Variants in THADA observed in about 807,000 individuals in gnomAD.
THADA encodes the protein tRNA (32-2'-O)-methyltransferase regulator THADA.
THADA carries 213 observed loss-of-function variants against 219.8 expected under a neutral mutation model. That is an observed-to-expected ratio of 0.97 (90% CI 0.87 to 1.09). THADA has a LOEUF of 1.09. Among genes scored for constraint, THADA ranks in the 50% least tolerant of loss-of-function variants. The probability of loss-of-function intolerance (pLI) is 0.00; values close to 1 mark genes in which losing one functional copy is unlikely to be tolerated. For missense variants in THADA, 2,956 were observed against 2,311.3 expected, an observed-to-expected ratio of 1.28 and a Z score of -5.72; for synonymous variants, 1,018 against 828.9, an observed-to-expected ratio of 1.23 and a Z score of -3.92.
At chr2:43,447,119 CAGG>C (rs1681673949) in intron 26 of THADA, among the ~76,000 whole-genome samples, 1 of 152,092 alleles carries the variant, frequency 6.6e-6, no homozygotes, top group Admixed American at 6.5e-5. Context: ...CACCTCTTCA[CAGG>C]GCAGCAGGAG....
chr2:43,480,731 T>C (rs892824058), intron 26 of THADA, among the ~76,000 whole-genome samples: 3 of 151,510 alleles, frequency 2.0e-5, no homozygotes, highest in Non-Finnish European at 4.4e-5. Context: ...GGCAGGAGAA[T>C]TGCGTGAACC....
intron 26 of THADA, among the ~76,000 whole-genome samples, chr2:43,466,954 G>A (rs931969609): frequency 5.9e-5 from 9 of 151,286 alleles, no homozygotes; most frequent in African/African-American, 1.9e-4. Flanking sequence ...AGGCCGAGGC[G>A]GGCGGATCAC....
At chr2:43,439,274 GGA>G (rs142145643) in intron 26 of THADA, among the ~76,000 whole-genome samples, 6 of 151,848 alleles carry the variant, frequency 4.0e-5, no homozygotes, top group African/African-American at 1.4e-4. Context: ...TGAGAGAGAC[GGA>G]GAGAGAGAGA....
intron 28 of THADA, among the ~76,000 whole-genome samples, chr2:43,424,215 T>C (rs1678114376): frequency 6.6e-6 from 1 of 152,178 alleles, no homozygotes; most frequent in East Asian, 1.9e-4. Context: ...ATAAATACCT[T>C]ACAGAGAGGA....
intron 22 of THADA, among the ~76,000 whole-genome samples, chr2:43,509,003 T>C (rs1690046954): frequency 6.6e-6 from 1 of 152,196 alleles, no homozygotes; most frequent in African/African-American, 2.4e-5. Context: ...GCATGTGTCT[T>C]GTCTGCAAAA....
chr2:43,358,016 T>C (rs1445349530), intron 29 of THADA, among the ~76,000 whole-genome samples: 3 of 152,208 alleles, frequency 2.0e-5, no homozygotes, highest in South Asian at 2.1e-4. Flanking sequence ...TATAGTTCTA[T>C]GTCAGAACCA....
chr2:43,268,299 T>G (rs1039078422), intron 36 of THADA, among the ~76,000 whole-genome samples: 5 of 152,144 alleles, frequency 3.3e-5, no homozygotes, highest in Admixed American at 3.3e-4. Context: ...CATACAGACA[T>G]TCACATCCAA....
intron 26 of THADA, among the ~76,000 whole-genome samples, chr2:43,434,935 A>G (rs1013273084): frequency 6.6e-6 from 1 of 152,084 alleles, no homozygotes; most frequent in East Asian, 1.9e-4. Context: ...AGCCGTAAAC[A>G]TTCACCCCTC....
Position 43,578,563 on chromosome 2 carries a change from T to G in THADA, c.766A>C (p.Ile256Leu). The G allele has an allele frequency of 2.5e-6, 4 of 1,613,032 alleles. No homozygotes were observed. The highest frequency in any genetic ancestry group is 3.4e-6 in the Non-Finnish European group (4 of 1,179,188). The change falls in exon 9 of 38, where the codon ATT becomes CTT. Residue 256 changes from isoleucine (I) to leucine (L), a missense_variant. Physicochemically the swap from Ile to Leu is conservative, Grantham distance 5. Transcript: ENST00000405975. ...TGAAACATAGTCTTAATAAAAAGAA[T>G]AATAGCTAATCCAGATGTGCTCTGT... ...TVQSTSGLAI[I>L]LFIKTMFHPS...
chr2:43,453,610 C>T (rs1262363619), intron 26 of THADA, among the ~76,000 whole-genome samples: 2 of 152,138 alleles, frequency 1.3e-5, no homozygotes, highest in East Asian at 3.9e-4. Flanking sequence ...AGATGAGAGT[C>T]CTGTTTTTGG....
chr2:43,257,923 A>C (rs1488668303), intron 36 of THADA, among the ~76,000 whole-genome samples: 1 of 152,212 alleles, frequency 6.6e-6, no homozygotes, highest in African/African-American at 2.4e-5. Flanking sequence ...GAAGCAGAGA[A>C]GCCAGTGGGA....
chr2:43,264,019 A>G (rs1399131331), intron 36 of THADA, among the ~76,000 whole-genome samples: 1 of 152,062 alleles, frequency 6.6e-6, no homozygotes, highest in Non-Finnish European at 1.5e-5. Context: ...CTGAGACTGA[A>G]ATTATTTTCC....
intron 8 of THADA, among the ~76,000 whole-genome samples, chr2:43,579,601 G>A (rs1700201626): frequency 6.6e-6 from 1 of 152,170 alleles, no homozygotes; most frequent in East Asian, 1.9e-4. Context: ...CCAAAAGCAG[G>A]ATACTTGCTT....
chr2:43,318,443 ATAAT>A (rs1320327517), intron 31 of THADA, among the ~76,000 whole-genome samples: 5 of 152,226 alleles, frequency 3.3e-5, no homozygotes, highest in African/African-American at 1.2e-4. Flanking sequence ...CAACACATAC[ATAAT>A]TAATACAAAA....
intron 23 of THADA, among the ~76,000 whole-genome samples, 189 bp downstream of exon 23, chr2:43,508,459 T>C (rs563581043): frequency 6.6e-6 from 1 of 152,248 alleles, no homozygotes; most frequent in South Asian, 2.1e-4. Flanking sequence ...AGAGGGTTTG[T>C]TCCAAGAACA....
At chr2:43,373,599 C>A (rs1671046799) in intron 29 of THADA, among the ~76,000 whole-genome samples, 1 of 152,134 alleles carries the variant, frequency 6.6e-6, no homozygotes, top group Non-Finnish European at 1.5e-5. Flanking sequence ...ACCTCAGCCT[C>A]CCAAGTAGCT....
intron 28 of THADA, among the ~76,000 whole-genome samples, chr2:43,426,668 C>T (rs932998858): frequency 6.6e-6 from 1 of 152,210 alleles, no homozygotes; most frequent in African/African-American, 2.4e-5. Flanking sequence ...GCTCTGCAAG[C>T]GCATGCCAGA....
rs554602417 is a variant in THADA, at chr2:43,380,570, A to C, written c.4227+17401T>G. Among the ~76,000 whole-genome samples the C allele has an allele frequency of 3.3e-5, 5 of 152,346 alleles. No individual in the cohort carries two copies. The South Asian group carries it at 1.0e-3, about 32-fold the overall frequency. On this transcript the variant is annotated intron_variant, in intron 29 of 37. Transcript: ENST00000405975. The stretch of plus-strand genomic sequence containing the variant: ...TACAGTTGCAGAAGGACAGAAACAG[A>C]AATAGACATGTGTGCATAAATGGGT...
At chr2:43,336,989 G>T (rs896547489) in intron 30 of THADA, among the ~76,000 whole-genome samples, 1 of 152,174 alleles carries the variant, frequency 6.6e-6, no homozygotes, top group African/African-American at 2.4e-5. Context: ...AGATCTTCCA[G>T]TTTTTCAAAA....
Sources: allele counts gnomAD v4.1 joint callset (sites outside exome capture counted in the v4.1 genomes callset), GRCh38; gene constraint gnomAD v4.1.1; transcripts MANE v1.5; gene names NCBI Gene and HGNC (gene_info 2026-07-23, HGNC 2026-07-21).